TMEM132C: variants seen among roughly 807,000 people sequenced by gnomAD.
The protein encoded by TMEM132C is protein phosphatase 1, regulatory subunit 152.
A neutral mutation model predicts 61.4 loss-of-function variants in TMEM132C; 29 were observed. That is an observed-to-expected ratio of 0.47 (90% CI 0.35 to 0.64). The LOEUF (loss-of-function observed/expected upper bound fraction) is 0.64. Ranked by LOEUF, TMEM132C falls within the 30% of genes least tolerant of loss-of-function variation. The pLI is 0.00. For missense variants in TMEM132C, 1,408 were observed against 1,476.9 expected, an observed-to-expected ratio of 0.95 and a Z score of 0.76; for synonymous variants, 656 against 633.1, an observed-to-expected ratio of 1.04 and a Z score of -0.54.
intron 2 of TMEM132C, among the ~76,000 whole-genome samples, chr12:128,483,717 A>G (rs1871391524): frequency 6.6e-6 from 1 of 152,136 alleles, no homozygotes; most frequent in African/African-American, 2.4e-5. Context: ...CCCGTGGGAA[A>G]TTGTCCAGGA....
intron 5 of TMEM132C, among the ~76,000 whole-genome samples, chr12:128,686,289 G>A (rs1954676477): frequency 6.6e-6 from 1 of 152,136 alleles, no homozygotes; most frequent in Non-Finnish European, 1.5e-5. Flanking sequence ...TGGTTACCTT[G>A]GCAACATTCT....
chr12:128,617,052 A>G (rs181647955), intron 4 of TMEM132C, among the ~76,000 whole-genome samples: 60 of 152,338 alleles, frequency 3.9e-4, no homozygotes, highest in Middle Eastern at 3.4e-3. Context: ...GTAAGTTTAA[A>G]AGTCTAGAAA....
intron 2 of TMEM132C, among the ~76,000 whole-genome samples, chr12:128,507,794 G>A (rs184469743): frequency 6.6e-6 from 1 of 152,278 alleles, no homozygotes; most frequent in Non-Finnish European, 1.5e-5. Flanking sequence ...CCAAGGCTCC[G>A]CAGACTTCTC....
chr12:128,533,607 T>C (rs1001312265), intron 2 of TMEM132C, among the ~76,000 whole-genome samples: 1 of 152,076 alleles, frequency 6.6e-6, no homozygotes, highest in Non-Finnish European at 1.5e-5. Flanking sequence ...CTGGTGTCTA[T>C]CTCCAAATTT....
At chr12:128,495,690 T>G (rs2136104355) in intron 2 of TMEM132C, among the ~76,000 whole-genome samples, 1 of 152,340 alleles carries the variant, frequency 6.6e-6, no homozygotes, top group East Asian at 1.9e-4. Context: ...GCTTGGTAGA[T>G]CTTCCTCCCT....
Position 128,697,301 on chromosome 12 carries a change from C to T in TMEM132C, c.2007C>T (p.Asp669=). 1 of 1,551,028 alleles carries T rather than the reference C, an allele frequency of 6.4e-7. No homozygotes were observed. The highest frequency in any genetic ancestry group is 8.7e-7 in the Non-Finnish European group (1 of 1,146,412). Residue 669 remains aspartate (D), a synonymous_variant, in exon 8 of 9, where the codon GAC becomes GAT. Coordinates refer to ENST00000435159, the MANE Select transcript of TMEM132C (RefSeq NM_001136103.3). ...TAGATGACAAAGTATCGGTGACAGA[C>T]TTGGCCATCCAGCTCGTGGCTGGGC... ...TVLDDKVSVT[D]LAIQLVAGLS...
chr12:128,543,631 C>T (rs1873841997), intron 2 of TMEM132C, among the ~76,000 whole-genome samples: 1 of 152,138 alleles, frequency 6.6e-6, no homozygotes. Context: ...GGCGCAGAGC[C>T]CCCTGAGTGA....
intron 4 of TMEM132C, among the ~76,000 whole-genome samples, chr12:128,636,087 G>A (rs1317606339): frequency 1.3e-5 from 2 of 152,146 alleles, no homozygotes; most frequent in Non-Finnish European, 2.9e-5. Context: ...GTCTCACTCT[G>A]TTGCCCAGGC....
chr12:128,532,686 A>T (rs1200482615), intron 2 of TMEM132C, among the ~76,000 whole-genome samples: 1 of 150,124 alleles, frequency 6.7e-6, no homozygotes, highest in Non-Finnish European at 1.5e-5. Flanking sequence ...GCCAAATTAG[A>T]GAAACATATT....
intron 2 of TMEM132C, among the ~76,000 whole-genome samples, chr12:128,516,210 C>A (rs550213488): frequency 1.2e-4 from 18 of 152,138 alleles, no homozygotes; most frequent in Non-Finnish European, 2.4e-4. Flanking sequence ...ATACTCATAA[C>A]ACCTTTATCC....
intron 2 of TMEM132C, among the ~76,000 whole-genome samples, chr12:128,473,371 TTCATCTTCACTCGAGCC>T (rs1871034182): frequency 2.6e-5 from 4 of 152,182 alleles, no homozygotes; most frequent in Non-Finnish European, 4.4e-5. Flanking sequence ...AGCCTCTATC[TTCATCTTCACTCGAGCC>T]TCCATCTTCA....
At chr12:128,633,715 G>C (rs912985169) in intron 4 of TMEM132C, among the ~76,000 whole-genome samples, 4 of 152,208 alleles carry the variant, frequency 2.6e-5, no homozygotes, top group Admixed American at 1.3e-4. Context: ...TTTAATTCCT[G>C]ATTCTCACAT....
intron 4 of TMEM132C, among the ~76,000 whole-genome samples, chr12:128,648,375 A>T (rs1305608427): frequency 1.4e-5 from 2 of 147,760 alleles, no homozygotes; most frequent in Admixed American, 1.4e-4. Context: ...GGAGTCCATC[A>T]GCGTTGGATG....
At chr12:128,455,116 G>A (rs1870298598) in intron 2 of TMEM132C, among the ~76,000 whole-genome samples, 1 of 152,206 alleles carries the variant, frequency 6.6e-6, no homozygotes, top group Non-Finnish European at 1.5e-5. Flanking sequence ...TCCCTTTTCT[G>A]CTGTGACTAC....
intron 3 of TMEM132C, among the ~76,000 whole-genome samples, chr12:128,594,108 C>T (rs1875859383): frequency 6.6e-6 from 1 of 151,296 alleles, no homozygotes; most frequent in African/African-American, 2.4e-5. Flanking sequence ...CCCACCTCCA[C>T]CGCAGGCGTC....
chr12:128,695,383 G>T (rs1954751982), intron 6 of TMEM132C, among the ~76,000 whole-genome samples: 1 of 151,740 alleles, frequency 6.6e-6, no homozygotes, highest in African/African-American at 2.4e-5. Context: ...ACTTAGCCAA[G>T]CATGATAGTC....
chr12:128,396,451 G>A (rs191067790), intron 1 of TMEM132C, among the ~76,000 whole-genome samples: 12 of 144,038 alleles, frequency 8.3e-5, no homozygotes, highest in East Asian at 2.0e-4. Context: ...AATACCTAGT[G>A]CACGCGGGGC....
chr12:128,548,866 G>C (rs1460022716), intron 3 of TMEM132C, among the ~76,000 whole-genome samples: 2 of 152,122 alleles, frequency 1.3e-5, no homozygotes, highest in African/African-American at 2.4e-5. Context: ...CATTATACTA[G>C]GTATGATAAA....
Position 128,706,028 on chromosome 12 carries a change from C to G in TMEM132C, c.3060C>G (p.His1020Gln), listed in dbSNP as rs774210641. Reference protein sequence around the residue: ...HLLLNGGSHKHVQSQIHRSAD... With the variant: ...HLLLNGGSHKQVQSQIHRSAD... ...TGCTCAATGGTGGCTCCCACAAGCA[C>G]GTGCAGAGCCAGATTCACAGGTCAG... The change falls in exon 9 of 9, where the codon CAC becomes CAG. Residue 1020 changes from histidine (H) to glutamine (Q), a missense_variant. His to Gln is a conservative substitution (Grantham distance 24). Transcript: ENST00000435159. 3.1e-5 allele frequency: 48 copies of G among 1,551,572 alleles called. No individual in the cohort carries two copies. Among genetic ancestry groups the G allele is most frequent in the South Asian group, 8.3e-5 (7 of 84,064 alleles).
Sources: allele counts gnomAD v4.1 joint callset (sites outside exome capture counted in the v4.1 genomes callset), GRCh38; gene constraint gnomAD v4.1.1; transcripts MANE v1.5; gene names NCBI Gene and HGNC (gene_info 2026-07-23, HGNC 2026-07-21).